The following PODNL1 variants were observed in gnomAD, a reference collection of about 807,000 sequenced individuals.
The protein encoded by PODNL1 is podocan-like protein 1.
PODNL1 carries 50 observed loss-of-function variants against 45.1 expected under a neutral mutation model. The observed-to-expected ratio is 1.11, with a 90% CI of 0.88 to 1.40. PODNL1 has a LOEUF of 1.40. Ranked by LOEUF, PODNL1 falls within the 40% of genes most tolerant of loss-of-function variation. The pLI is 0.00. For missense variants in PODNL1, 788 were observed against 793.3 expected (o/e 0.99, Z 0.08); for synonymous variants, 406 against 372.5 (o/e 1.09, Z -1.04).
chr19:13,939,545 A>C (rs1442124995), upstream of PODNL1, among the ~76,000 whole-genome samples: 13 of 152,274 alleles, frequency 8.5e-5, no homozygotes, highest in East Asian at 2.1e-3. Flanking sequence ...ATTTGAGACC[A>C]GACTGGGCAA....
rs748307018 is a variant in PODNL1, at chr19:13,933,240, G to A, written c.983C>T (p.Pro328Leu). The change falls in exon 8 of 10, where the codon CCG becomes CTG. Residue 328 changes from proline to leucine, a missense_variant. By Grantham distance (98) the Pro-to-Leu change is moderately conservative (BLOSUM62 -3). Around this residue, in one of 3 missense-constraint regions of PODNL1, gnomAD observed 762 missense variants for 750.9 expected, o/e 1.01. Transcript: ENST00000588872. The surrounding 1 kb of genome is among the most constrained non-coding windows in gnomAD (Gnocchi z 5.2). The part of the protein sequence containing the change: ...SSGLPAGALR[P>L]LRGLHTLHLY... ...GTGCAGCGTGTGCAGGCCCCGCAGC[G>A]GCCGCAGAGCCCCGGCGGGCAGCCC... is the stretch of plus-strand genomic sequence containing the variant. 12 of 1,544,716 alleles carry A rather than the reference G, an allele frequency of 7.8e-6. No homozygotes were observed. Among genetic ancestry groups the A allele is most frequent in the South Asian group, 4.7e-5 (4 of 84,906 alleles).
At chr19:13,953,256 T>A in exon 1 of PODNL1, 1 of 967,272 alleles carries the variant, frequency 1.0e-6, no homozygotes, top group Non-Finnish European at 1.5e-6. Context: ...ATGATGTCTC[T>A]CTCCCCCATC....
chr19:13,933,756 G>T lies in PODNL1; in HGVS notation c.767+122C>A. 1 of 859,352 alleles carries T rather than the reference G, an allele frequency of 1.2e-6. No individual in the cohort carries two copies. The highest frequency in any genetic ancestry group is 1.8e-6 in the Non-Finnish European group (1 of 542,302). The allele number at this position is 859,352 out of a possible 1,614,324, so 53.2% of individuals were successfully genotyped here. ...CCTACCCAGTGCTCTGCCGAGCCCA[G>T]TGAGCAGCAGGCACTCAGTAAATGA... On this transcript the variant is annotated intron_variant, in intron 7 of 9. Coordinates refer to ENST00000588872, the MANE Select transcript of PODNL1 (RefSeq NM_001370095.3). The surrounding 1 kb of genome is among the most constrained non-coding windows in gnomAD (Gnocchi z 5.2).
At position 13,937,970 on chromosome 19, in the gene PODNL1, G is replaced by C. The variant is rs1366223377; in HGVS notation, c.40C>G (p.Pro14Ala). The C allele has an allele frequency of 2.6e-6, 4 of 1,541,112 alleles. No homozygotes were observed. The Admixed American group carries it at 7.9e-5, about 30-fold the overall frequency. Residue 14 changes from proline (P) to alanine (A), a missense_variant, in exon 2 of 10, where the codon CCC becomes GCC. Physicochemically the swap from Pro to Ala is conservative, Grantham distance 27. Around this residue, in one of 3 missense-constraint regions of PODNL1, gnomAD observed 762 missense variants for 750.9 expected, o/e 1.01. Transcript: ENST00000588872. ...SLLLLLLLPG[P>A]PPVAGLEDAA... ...TCTTCCAAGCCGGCGACGGGCGGGG[G>C]CCCCGGCAACAGCAGGAGCAGCAGC...
At chr19:13,950,124 T>C (rs1181125412) in intron 1 of PODNL1, among the ~76,000 whole-genome samples, 5 of 152,012 alleles carry the variant, frequency 3.3e-5, no homozygotes, top group African/African-American at 1.2e-4. Flanking sequence ...CACCTCAGCC[T>C]CCCAAAGTGC....
upstream of PODNL1, among the ~76,000 whole-genome samples, chr19:13,941,142 G>C (rs1972642951): frequency 6.6e-6 from 1 of 152,014 alleles, no homozygotes; most frequent in African/African-American, 2.4e-5. Flanking sequence ...AAGGCAGGTG[G>C]ATCACCTGAG....
upstream of PODNL1, among the ~76,000 whole-genome samples, chr19:13,942,631 C>T (rs1032550720): frequency 5.3e-5 from 8 of 152,044 alleles, no homozygotes; most frequent in Non-Finnish European, 2.9e-5. Flanking sequence ...TCAATGTGGC[C>T]CCAGTGTCCA....
chr19:13,952,628 A>C, intron 1 of PODNL1: 1 of 1,268,076 alleles, frequency 7.9e-7, no homozygotes, highest in Non-Finnish European at 1.0e-6. Context: ...GTCCTCAAGC[A>C]GCTGGAGCGG....
chr19:13,933,807 G>A lies in PODNL1; in HGVS notation c.767+71C>T, dbSNP rs1213758857. ...GGCCGTGGCTTAGGAGCCAGTCAGG[G>A]AAGGGGGACTGAAGGTTGGGACCCC... On this transcript the variant is annotated intron_variant, in intron 7 of 9. Transcript: ENST00000588872. This position sits in a 1 kb window ranked among gnomAD's most constrained non-coding sequence, Gnocchi z 5.2. The A allele has an allele frequency of 2.2e-6, 3 of 1,343,392 alleles. No individual in the cohort carries two copies. Among genetic ancestry groups the A allele is most frequent in the South Asian group, 1.3e-5 (1 of 78,952 alleles). The allele number at this position is 1,343,392 out of a possible 1,614,324, so 83.2% of individuals were successfully genotyped here. A position where few individuals can be genotyped will look rare whatever the true frequency, so the allele number is the denominator to read the frequency against.
Position 13,936,468 on chromosome 19 carries a change from G to T in PODNL1, c.226-8C>A. 6.2e-7 allele frequency: 1 copy of T among 1,609,472 alleles called. No homozygotes were observed. The highest frequency in any genetic ancestry group is 8.5e-7 in the Non-Finnish European group (1 of 1,176,212). The stretch of plus-strand genomic sequence containing the variant: ...TTCCTGGAGCTGGTTGTTCTGCAGG[G>T]TGAGAGTTGGGGTGTTCACACCCGT... On this transcript the variant is annotated splice_region_variant and splice_polypyrimidine_tract_variant and intron_variant, in intron 2 of 9. Coordinates refer to ENST00000588872, the MANE Select transcript of PODNL1 (RefSeq NM_001370095.3).
Position 13,937,796 on chromosome 19 carries a change from G to A in PODNL1, c.214C>T (p.Leu72Phe), listed in dbSNP as rs756663992. 3 of 1,585,928 alleles carry A rather than the reference G, an allele frequency of 1.9e-6. No homozygotes were observed. In the African/African-American group the frequency reaches 4.0e-5, roughly 21 times the overall value. ...PDNITRAAQH[L>F]SLQNNQLQEL... ...TCCGTGGGCCCCACCTGCAGGGAGA[G>A]GTGCTGAGCGGCTCTGGTGATGTTG... Residue 72 changes from leucine to phenylalanine, a missense_variant, in exon 2 of 10, where the codon CTC (leucine) becomes TTC (phenylalanine). Leu to Phe is a conservative substitution (Grantham distance 22, BLOSUM62 0). Around this residue, in one of 3 missense-constraint regions of PODNL1, gnomAD observed 762 missense variants for 750.9 expected, o/e 1.01. Coordinates refer to ENST00000588872, the MANE Select transcript of PODNL1 (RefSeq NM_001370095.3).
rs751169809 is a variant in PODNL1, at chr19:13,932,021, C to A, written c.1517G>T (p.Gly506Val). 7.5e-5 allele frequency: 93 copies of A among 1,232,190 alleles called. No homozygotes were observed. The highest frequency in any genetic ancestry group is 4.2e-4 in the Admixed American group (10 of 23,710). 76.3% of individuals were successfully genotyped at this position (1,232,190 alleles called of 1,614,324 possible). A position where few individuals can be genotyped will look rare whatever the true frequency, so the allele number is the denominator to read the frequency against. ...EELHLEGNRI[G>V]HVGPEAFLST... is the part of the protein sequence containing the mutation. ...GAGGAAGGCCTCGGGGCCCACGTGG[C>A]CGATGCGGTTGCCCTCGAGGTGCAG... Residue 506 changes from glycine (G) to valine (V), a missense_variant, in exon 9 of 10, where the codon GGC becomes GTC. Physicochemically the swap from Gly to Val is moderately radical, Grantham distance 109. Coordinates refer to ENST00000588872, the MANE Select transcript of PODNL1 (RefSeq NM_001370095.3).
chr19:13,945,555 C>T (rs1002985242), intron 1 of PODNL1, among the ~76,000 whole-genome samples: 4 of 151,394 alleles, frequency 2.6e-5, no homozygotes, highest in African/African-American at 7.3e-5. Context: ...GGCATGATCT[C>T]GGCTCACTGC....
chr19:13,938,313 C>G lies in PODNL1; in HGVS notation c.-132G>C. ...ATCTCCAGACCCATGCCACCCCCCACAACAGCCTGTTCTCCCGGGGCTTTG... is the reference window on the plus strand; with the variant it reads ...ATCTCCAGACCCATGCCACCCCCCAGAACAGCCTGTTCTCCCGGGGCTTTG... On this transcript the variant is annotated 5_prime_UTR_variant, in exon 1 of 10. Transcript: ENST00000588872. The G allele has an allele frequency of 2.8e-6, 4 of 1,452,748 alleles. No individual in the cohort carries two copies. Among genetic ancestry groups the G allele is most frequent in the Non-Finnish European group, 2.7e-6 (3 of 1,098,798 alleles). The allele number at this position is 1,452,748 out of a possible 1,614,324, so 90.0% of individuals were successfully genotyped here. A position where few individuals can be genotyped will look rare whatever the true frequency, so the allele number is the denominator to read the frequency against.
chr19:13,935,883 C>T, intron 4 of PODNL1, 53 bp from the exon 5 acceptor site: 1 of 1,554,126 alleles, frequency 6.4e-7, no homozygotes, highest in Non-Finnish European at 8.7e-7. Flanking sequence ...TTGGCCCCAC[C>T]ACTTCCCCAG....
chr19:13,938,282 C>G lies in PODNL1; in HGVS notation c.-101G>C. 1 of 1,495,332 alleles carries G rather than the reference C, an allele frequency of 6.7e-7. No individual in the cohort carries two copies. The highest frequency in any genetic ancestry group is 8.9e-7 in the Non-Finnish European group (1 of 1,121,440). 92.6% of individuals were successfully genotyped at this position (1,495,332 alleles called of 1,614,324 possible). A position where few individuals can be genotyped will look rare whatever the true frequency, so the allele number is the denominator to read the frequency against. On this transcript the variant is annotated 5_prime_UTR_variant, in exon 1 of 10. Transcript: ENST00000588872. ...GGAGCCTCTGCTGTGGCCACCACCG[C>G]CCCCCATCTCCAGACCCATGCCACC... is the stretch of plus-strand genomic sequence containing the variant.
chr19:13,932,138 C>T (rs1269342925), intron 8 of PODNL1, 26 bp from the exon 9 acceptor site: 5 of 1,234,340 alleles, frequency 4.1e-6, no homozygotes, highest in Non-Finnish European at 5.1e-6. Context: ...TAGATGGCAT[C>T]GTGGCAGCCC....
chr19:13,933,214 G>A lies in PODNL1; in HGVS notation c.1009C>T (p.Leu337Phe). ...ACGCGGTCCAGCCCATTGCCATAGA[G>A]GTGCAGCGTGTGCAGGCCCCGCAGC... ...RPLRGLHTLH[L>F]YGNGLDRVPP... Residue 337 changes from leucine (L) to phenylalanine (F), a missense_variant, in exon 8 of 10, where the codon CTC (leucine) becomes TTC (phenylalanine). By Grantham distance (22) the Leu-to-Phe change is conservative. Coordinates refer to ENST00000588872, the MANE Select transcript of PODNL1 (RefSeq NM_001370095.3). This position sits in a 1 kb window ranked among gnomAD's most constrained non-coding sequence, Gnocchi z 5.2. 1 of 1,538,238 alleles carries A rather than the reference G, an allele frequency of 6.5e-7. No individual in the cohort carries two copies. Among genetic ancestry groups the A allele is most frequent in the Non-Finnish European group, 8.7e-7 (1 of 1,147,090 alleles).
At chr19:13,939,323 C>T (rs551010888), upstream of PODNL1, among the ~76,000 whole-genome samples, 8 of 152,206 alleles carry the variant, frequency 5.3e-5, no homozygotes, top group South Asian at 6.2e-4. Flanking sequence ...GTGATTCTCC[C>T]GCCTCAGCCT....
Sources: allele counts gnomAD v4.1 joint callset (sites outside exome capture counted in the v4.1 genomes callset), GRCh38; gene constraint gnomAD v4.1.1; regional missense constraint gnomAD v4.1.1; non-coding constraint Gnocchi (gnomAD v3.1); transcripts MANE v1.5; gene names NCBI Gene and HGNC (gene_info 2026-07-23, HGNC 2026-07-21).